TBCK: variants seen among roughly 807,000 people sequenced by gnomAD.
TBCK encodes the protein TBC1 domain containing kinase, also known as TBC domain-containing protein kinase-like protein.
Under a neutral mutation model 113.4 loss-of-function variants are expected in TBCK, and 99 were observed. That is an observed-to-expected ratio of 0.87 (90% CI 0.74 to 1.03). The LOEUF is 1.03. Among genes scored for constraint, TBCK ranks in the 50% least tolerant of loss-of-function variants. The probability of loss-of-function intolerance (pLI) is 0.00; values close to 1 mark genes in which losing one functional copy is unlikely to be tolerated. For missense variants in TBCK, 1,045 were observed against 1,061.3 expected, an observed-to-expected ratio of 0.98 and a Z score of 0.21; for synonymous variants, 369 against 370.8, an observed-to-expected ratio of 1.00 and a Z score of 0.05.
chr4:106,080,742 C>T (rs976887055), intron 25 of TBCK, among the ~76,000 whole-genome samples: 8 of 152,056 alleles, frequency 5.3e-5, no homozygotes, highest in African/African-American at 1.9e-4. Flanking sequence ...AGACAACCTA[C>T]AAAATGGAAG....
intron 23 of TBCK, 143 bp downstream of exon 23, chr4:106,170,952 C>T (rs963615529): frequency 1.6e-6 from 1 of 634,404 alleles, no homozygotes; most frequent in African/African-American, 1.9e-5. Flanking sequence ...TGGAATATTT[C>T]TATGAATCAA....
chr4:106,271,121 A>C (rs1297619642), intron 3 of TBCK, among the ~76,000 whole-genome samples: 2 of 152,196 alleles, frequency 1.3e-5, no homozygotes, highest in African/African-American at 4.8e-5. Flanking sequence ...TCCCTAAACC[A>C]GATCACCTTG....
At chr4:106,092,736 G>A (rs576938226) in intron 25 of TBCK, among the ~76,000 whole-genome samples, 1 of 152,356 alleles carries the variant, frequency 6.6e-6, no homozygotes, top group South Asian at 2.1e-4. Flanking sequence ...TGGCCTGCAA[G>A]CAATGTGCGC....
intron 19 of TBCK, among the ~76,000 whole-genome samples, chr4:106,225,003 G>A (rs545285376): frequency 6.6e-6 from 1 of 152,082 alleles, no homozygotes; most frequent in Non-Finnish European, 1.5e-5. Flanking sequence ...CTTATAAGTA[G>A]TCATTTTCAC....
chr4:106,226,348 T>C (rs1758242030), intron 19 of TBCK, among the ~76,000 whole-genome samples: 1 of 152,156 alleles, frequency 6.6e-6, no homozygotes, highest in African/African-American at 2.4e-5. Flanking sequence ...TAGAAATCAA[T>C]GTAACAGAAG....
chr4:106,258,529 A>G (rs1762213411), intron 5 of TBCK, among the ~76,000 whole-genome samples: 1 of 152,088 alleles, frequency 6.6e-6, no homozygotes, highest in East Asian at 1.9e-4. Flanking sequence ...AGCAAGCCAG[A>G]CCAAAGGGTA....
At chr4:106,067,443 C>T (rs1736779637) in intron 25 of TBCK, among the ~76,000 whole-genome samples, 2 of 152,008 alleles carry the variant, frequency 1.3e-5, no homozygotes, top group Non-Finnish European at 1.5e-5. Flanking sequence ...AATATTTTCT[C>T]CCATTTTATG....
intron 2 of TBCK, among the ~76,000 whole-genome samples, chr4:106,298,223 AATGGAAT>A (rs887530470): frequency 1.3e-5 from 2 of 152,180 alleles, no homozygotes; most frequent in African/African-American, 4.8e-5. Flanking sequence ...AAACATTTTA[AATGGAAT>A]ATTCTAGAAA....
At chr4:106,100,174 A>G (rs1741384916) in intron 24 of TBCK, among the ~76,000 whole-genome samples, 2 of 152,234 alleles carry the variant, frequency 1.3e-5, no homozygotes, top group African/African-American at 4.8e-5. Flanking sequence ...TTTTCTAATG[A>G]AAATGACTTC....
In TBCK at chr4:106,190,750, T is replaced by C. The variant is rs1029115347; in HGVS notation, c.2059+2859A>G. On this transcript the variant is annotated intron_variant, in intron 22 of 25. Transcript: ENST00000394708. ...AAGAAGAAGAACTTTTTTTTTTTTCTTTTTTATGGAGACAGAGTCTCACTC... is the reference window on the plus strand; with the variant it reads ...AAGAAGAAGAACTTTTTTTTTTTTCCTTTTTATGGAGACAGAGTCTCACTC... 3.3e-5 allele frequency among the ~76,000 whole-genome samples: 5 copies of C among 152,044 alleles called. No individual in the cohort carries two copies. In the South Asian group the frequency reaches 1.0e-3, roughly 32 times the overall value.
intron 23 of TBCK, among the ~76,000 whole-genome samples, chr4:106,127,757 T>G (rs143054736): frequency 6.6e-6 from 1 of 152,132 alleles, no homozygotes; most frequent in Non-Finnish European, 1.5e-5. Flanking sequence ...AATTTTAAAG[T>G]TTTCAAATGA....
chr4:106,082,149 G>A (rs1738947207), intron 25 of TBCK, among the ~76,000 whole-genome samples: 2 of 152,272 alleles, frequency 1.3e-5, no homozygotes, highest in Non-Finnish European at 1.5e-5. Context: ...ATATGCATGT[G>A]GATATATATT....
chr4:106,223,797 C>T (rs146630410), intron 19 of TBCK, among the ~76,000 whole-genome samples: 20 of 152,250 alleles, frequency 1.3e-4, no homozygotes, highest in African/African-American at 4.8e-4. Context: ...TGCCTTTCTC[C>T]TCAATAGCCT....
intron 23 of TBCK, among the ~76,000 whole-genome samples, chr4:106,120,430 G>C (rs1390622724): frequency 6.6e-6 from 1 of 152,204 alleles, no homozygotes; most frequent in African/African-American, 2.4e-5. Flanking sequence ...GGTAAACAAA[G>C]CAGCTGGGAA....
chr4:106,206,251 TGAG>T (rs1755483372), intron 20 of TBCK, among the ~76,000 whole-genome samples: 1 of 152,142 alleles, frequency 6.6e-6, no homozygotes, highest in Non-Finnish European at 1.5e-5. Context: ...GTAATGCAAA[TGAG>T]GATTTACTGA....
intron 22 of TBCK, among the ~76,000 whole-genome samples, chr4:106,187,984 C>G (rs1291561988): frequency 6.6e-6 from 1 of 152,122 alleles, no homozygotes; most frequent in Non-Finnish European, 1.5e-5. Flanking sequence ...TAAAATCATA[C>G]CACTTGTGAA....
chr4:106,293,183 T>C (rs551875518), intron 3 of TBCK, among the ~76,000 whole-genome samples: 1 of 152,292 alleles, frequency 6.6e-6, no homozygotes, highest in South Asian at 2.1e-4. Context: ...TCTCCATACA[T>C]TCTAGATTAA....
chr4:106,150,005 A>C (rs1748291325), intron 23 of TBCK, among the ~76,000 whole-genome samples: 1 of 152,194 alleles, frequency 6.6e-6, no homozygotes, highest in African/African-American at 2.4e-5. Flanking sequence ...TTTCCACATG[A>C]ATGACTTTAG....
chr4:106,164,905 C>T (rs1579096985), intron 23 of TBCK, among the ~76,000 whole-genome samples: 1 of 151,528 alleles, frequency 6.6e-6, no homozygotes, highest in African/African-American at 2.4e-5. Flanking sequence ...GAAAGCATAC[C>T]TTATAAACTG....
Sources: allele counts gnomAD v4.1 joint callset (sites outside exome capture counted in the v4.1 genomes callset), GRCh38; gene constraint gnomAD v4.1.1; transcripts MANE v1.5; gene names NCBI Gene and HGNC (gene_info 2026-07-23, HGNC 2026-07-21).